PPL: variants seen among roughly 807,000 people sequenced by gnomAD.
The protein encoded by PPL is periplakin.
PPL carries 198 observed loss-of-function variants against 194.4 expected under a neutral mutation model. That is an observed-to-expected ratio of 1.02 (90% CI 0.91 to 1.15). The LOEUF (loss-of-function observed/expected upper bound fraction) is 1.15, where lower values mean the gene tolerates loss of function less well. Among genes scored for constraint, PPL ranks in the 50% most tolerant of loss-of-function variants. PPL has a pLI of 0.00. For missense variants in PPL, 2,885 were observed against 2,294.8 expected, an observed-to-expected ratio of 1.26 and a Z score of -5.25; for synonymous variants, 1,220 against 972.4, an observed-to-expected ratio of 1.25 and a Z score of -4.74.
chr16:4,920,977 G>T (rs1199770345), intron 1 of PPL, among the ~76,000 whole-genome samples: 1 of 152,212 alleles, frequency 6.6e-6, no homozygotes, highest in African/African-American at 2.4e-5. Flanking sequence ...CCCAGAACTT[G>T]GTTGGCAGCA....
chr16:4,886,094 A>G (rs117094803), intron 21 of PPL, 47 bp from the exon 22 acceptor site: 1 of 1,611,304 alleles, frequency 6.2e-7, no homozygotes, highest in African/African-American at 1.3e-5. Flanking sequence ...CTCTGGCAGC[A>G]CATGTAGGGC....
At chr16:4,900,596 C>T (rs1017475591) in intron 6 of PPL, among the ~76,000 whole-genome samples, 1 of 151,734 alleles carries the variant, frequency 6.6e-6, no homozygotes, top group African/African-American at 2.4e-5. Context: ...TGCCACCAAG[C>T]CCAGCTAATT....
rs899786223 is a variant in PPL, at chr16:4,906,489, T to C, written c.163-2449A>G. 2.6e-5 allele frequency among the ~76,000 whole-genome samples: 4 copies of C among 152,286 alleles called. No homozygotes were observed. In the East Asian group the frequency reaches 5.8e-4, roughly 22 times the overall value. On this transcript the variant is annotated intron_variant, in intron 2 of 21. Transcript: ENST00000345988. Reference sequence around the variant, plus strand: ...ATCCACCCGCCTCGGCCTCCCAAAGTTCTGGGATTACAGGCGTGAGCCACC... The same window carrying C: ...ATCCACCCGCCTCGGCCTCCCAAAGCTCTGGGATTACAGGCGTGAGCCACC...
chr16:4,885,509 T>C lies in PPL; in HGVS notation c.3146A>G (p.Gln1049Arg). Residue 1049 changes from glutamine (Q) to arginine (R), a missense_variant, in exon 22 of 22, where the codon CAG (glutamine) becomes CGG (arginine). Physicochemically the swap from Gln to Arg is conservative, Grantham distance 43 (BLOSUM62 1). Transcript: ENST00000345988. This position sits in a 1 kb window ranked among gnomAD's most constrained non-coding sequence, Gnocchi z 6.3. ...CACCTCTTTCTCTGTGACCTTCTCC[T>C]GCGCCCGGCTCTTCTCTTCAGCCAG... ...AALAEEKSRA[Q>R]EKVTEKEVVK... The C allele has an allele frequency of 1.2e-6, 2 of 1,611,436 alleles. No homozygotes were observed. Among genetic ancestry groups the C allele is most frequent in the Non-Finnish European group, 1.7e-6 (2 of 1,179,968 alleles).
At chr16:4,919,158 G>A (rs1176951458) in intron 1 of PPL, among the ~76,000 whole-genome samples, 2 of 152,320 alleles carry the variant, frequency 1.3e-5, no homozygotes, top group African/African-American at 2.4e-5. Flanking sequence ...AGGGTAACAC[G>A]GACACACGTG....
intron 1 of PPL, among the ~76,000 whole-genome samples, chr16:4,933,356 C>T (rs2089250104): frequency 6.6e-6 from 1 of 152,150 alleles, no homozygotes; most frequent in South Asian, 2.1e-4. Context: ...TGGGTGTTTA[C>T]TGGGACCCAG....
At chr16:4,922,320 C>G (rs1170715887) in intron 1 of PPL, among the ~76,000 whole-genome samples, 1 of 152,152 alleles carries the variant, frequency 6.6e-6, no homozygotes, top group African/African-American at 2.4e-5. Context: ...TCTGCCTTGA[C>G]CTGGGTCCAC....
chr16:4,912,877 G>T lies in PPL; in HGVS notation c.63-1928C>A, dbSNP rs186603428. On this transcript the variant is annotated intron_variant, in intron 1 of 21. Transcript: ENST00000345988. ...CCAGCACTTTGGGAGGCCAAGGCGG[G>T]CGAATCACCTGAGATCAGGAGTTTG... 2.1e-3 allele frequency among the ~76,000 whole-genome samples: 325 copies of T among 152,302 alleles called. 4 individuals carry two copies. Among genetic ancestry groups the T allele is most frequent in the African/African-American group, 7.6e-3 (316 of 41,576 alleles).
chr16:4,884,185 C>G lies in PPL; in HGVS notation c.4470G>C (p.Leu1490=). 1 of 1,614,008 alleles carries G rather than the reference C, an allele frequency of 6.2e-7. No individual in the cohort carries two copies. Among genetic ancestry groups the G allele is most frequent in the South Asian group, 1.1e-5 (1 of 91,084 alleles). ...LETLRRKLAA[L]EKAEVKEKVV... is the part of the protein sequence containing the mutation. ...CCTTCTCCTTGACCTCCGCCTTCTC[C>G]AGTGCAGCCAGTTTCCTCCGGAGGG... Residue 1490 remains leucine (L), a synonymous_variant, in exon 22 of 22, where the codon CTG becomes CTC. Transcript: ENST00000345988. This position sits in a 1 kb window ranked among gnomAD's most constrained non-coding sequence, Gnocchi z 5.7.
At chr16:4,888,260 C>G in intron 19 of PPL, 42 bp from the exon 20 acceptor site, 1 of 1,399,610 alleles carries the variant, frequency 7.1e-7, no homozygotes, top group Non-Finnish European at 1.0e-6. Flanking sequence ...ATTAAAACAG[C>G]TGAGAAGAGA....
chr16:4,926,834 G>T (rs2089162054), intron 1 of PPL, among the ~76,000 whole-genome samples: 1 of 130,034 alleles, frequency 7.7e-6, no homozygotes. Context: ...AGCTGAGATT[G>T]TGCCACTGCA....
intron 11 of PPL, 51 bp from the exon 12 acceptor site, chr16:4,894,669 G>A (rs762685056): frequency 1.9e-6 from 3 of 1,586,616 alleles, no homozygotes; most frequent in African/African-American, 2.7e-5. Flanking sequence ...CTGAGGGCCT[G>A]GGAGCCCGGT....
At chr16:4,908,537 A>C (rs941022031) in intron 2 of PPL, among the ~76,000 whole-genome samples, 1 of 130,192 alleles carries the variant, frequency 7.7e-6, no homozygotes, top group Non-Finnish European at 1.7e-5. Context: ...GACTGACTTT[A>C]TTGATTGATT....
intron 1 of PPL, among the ~76,000 whole-genome samples, chr16:4,926,870 C>T (rs1371494702): frequency 1.1e-5 from 1 of 93,632 alleles, no homozygotes; most frequent in Non-Finnish European, 2.1e-5. Flanking sequence ...CAGAGCAAGA[C>T]TCTGTCTCAA....
chr16:4,927,568 A>G (rs2089175316), intron 1 of PPL, among the ~76,000 whole-genome samples: 1 of 152,262 alleles, frequency 6.6e-6, no homozygotes, highest in Non-Finnish European at 1.5e-5. Context: ...GCCCTGTGAG[A>G]AAGCAGTACA....
rs2088117679 is a variant in PPL, at chr16:4,882,595, G to A, written c.*789C>T. ...GTTCCCATTTTCTTATGTTCTACAT[G>A]AGATACAGAGACCCAGATATTGGCG... On this transcript the variant is annotated 3_prime_UTR_variant, in exon 22 of 22. Coordinates refer to ENST00000345988, the MANE Select transcript of PPL (RefSeq NM_002705.5). 6.6e-6 allele frequency: 1 copy of A among 152,184 alleles called. No homozygotes were observed. Among genetic ancestry groups the A allele is most frequent in the South Asian group, 2.1e-4 (1 of 4,828 alleles). The allele number at this position is 152,184 out of a possible 1,614,324, so 9.4% of individuals were successfully genotyped here. A position where few individuals can be genotyped will look rare whatever the true frequency, so the allele number is the denominator to read the frequency against.
intron 1 of PPL, among the ~76,000 whole-genome samples, chr16:4,930,664 T>C (rs946622399): frequency 3.3e-5 from 5 of 151,886 alleles, no homozygotes; most frequent in Admixed American, 6.6e-5. Context: ...GGGGAGTCCA[T>C]AGAATAGGTG....
At chr16:4,935,090 C>A (rs1356575544) in intron 1 of PPL, among the ~76,000 whole-genome samples, 6 of 152,132 alleles carry the variant, frequency 3.9e-5, no homozygotes, top group Admixed American at 1.3e-4. Flanking sequence ...TAGGACAGAC[C>A]GTGGCTGCCT....
At chr16:4,893,924 CAATA>C (rs1284543093) in intron 12 of PPL, 7 of 475,684 alleles carry the variant, frequency 1.5e-5, no homozygotes, top group African/African-American at 1.4e-4. Flanking sequence ...AGTAGGTGCT[CAATA>C]AATACTTAAT....
Sources: gnomAD v4.1 joint callset for allele counts (sites outside exome capture counted in the v4.1 genomes callset) on GRCh38, gnomAD v4.1.1 for gene constraint, Gnocchi (gnomAD v3.1) non-coding constraint, MANE v1.5 for transcripts, NCBI Gene and HGNC (gene_info 2026-07-23, HGNC 2026-07-21) for gene names.